Variants in USP42 observed in about 807,000 individuals in gnomAD.
USP42 encodes the protein ubiquitin specific peptidase 42.
USP42 carries 23 observed loss-of-function variants against 113.0 expected under a neutral mutation model. The ratio of observed to expected loss-of-function variants is 0.20; its 90% confidence interval spans 0.15 to 0.29. The LOEUF is 0.29. Ranked by LOEUF, USP42 falls within the 10% of genes least tolerant of loss-of-function variation. The pLI, the probability that USP42 is intolerant of heterozygous loss-of-function variation, is 1.00. For missense variants in USP42, 2,174 were observed against 1,779.8 expected (o/e 1.22, Z -3.99); for synonymous variants, 933 against 699.0 (o/e 1.33, Z -5.28).
At chr7:6,155,688 ACCTTCGTTTCCTCGG>A (rs1259408591) in intron 15 of USP42, among the ~76,000 whole-genome samples, 3 of 152,144 alleles carry the variant, frequency 2.0e-5, no homozygotes, top group African/African-American at 7.2e-5. Context: ...CATCGGAGAC[ACCTTCGTTTCCTCGG>A]CCTTTGTTTT....
intron 3 of USP42, among the ~76,000 whole-genome samples, chr7:6,134,541 G>C (rs1781023967): frequency 1.3e-5 from 2 of 152,170 alleles, no homozygotes; most frequent in South Asian, 4.1e-4. Context: ...TAGTCAGGCA[G>C]CTCCTCAGCC....
At position 6,157,068 on chromosome 7, in the gene USP42, A is replaced by T; in HGVS notation, c.3943+13A>T. ...GAGTATGGCCAGGGTAAGAGGAGATACTTGGAATTAGGAAGATAGAAACTA... is the reference window on the plus strand; with the variant it reads ...GAGTATGGCCAGGGTAAGAGGAGATTCTTGGAATTAGGAAGATAGAAACTA... On this transcript the variant is annotated intron_variant, in intron 16 of 17. Coordinates refer to ENST00000306177, the MANE Select transcript of USP42 (RefSeq NM_032172.3). The surrounding 1 kb of genome is among the most constrained non-coding windows in gnomAD (Gnocchi z 4.1). 1.3e-6 allele frequency: 2 copies of T among 1,566,778 alleles called. No individual in the cohort carries two copies. Among genetic ancestry groups the T allele is most frequent in the Middle Eastern group, 3.4e-4 (2 of 5,834 alleles).
Position 6,157,438 on chromosome 7 carries a change from C to T in USP42, c.3943+383C>T, listed in dbSNP as rs1782518985. 4 of 954,644 alleles carry T rather than the reference C, an allele frequency of 4.2e-6. No homozygotes were observed. Among genetic ancestry groups the T allele is most frequent in the African/African-American group, 1.8e-5 (1 of 56,526 alleles). The allele number at this position is 954,644 out of a possible 1,614,324, so 59.1% of individuals were successfully genotyped here. A position where few individuals can be genotyped will look rare whatever the true frequency, so the allele number is the denominator to read the frequency against. ...TTGAGACGGAGTCTTGCTCTATTGC[C>T]CAGGCTGGAGTGCAGTGGCGGCGAT... On this transcript the variant is annotated intron_variant, in intron 16 of 17. Transcript: ENST00000306177. This position sits in a 1 kb window ranked among gnomAD's most constrained non-coding sequence, Gnocchi z 4.1.
rs1782341727 is a variant in USP42 at position 6,154,882 on chromosome 7, G to A, written c.3328G>A (p.Glu1110Lys). The A allele has an allele frequency of 6.5e-7, 1 of 1,534,390 alleles. No individual in the cohort carries two copies. Among genetic ancestry groups the A allele is most frequent in the East Asian group, 2.5e-5 (1 of 40,098 alleles). Residue 1110 changes from glutamate to lysine, a missense_variant, in exon 15 of 18, where the codon GAG becomes AAG. Transcript: ENST00000306177. ...RRGCEPARERERHRPSSPRAG... is the reference protein window; with the variant it reads ...RRGCEPARERKRHRPSSPRAG... ...GGGCTGCGAGCCGGCCCGGGAGAGG[G>A]AGCGGCACCGCCCCAGCAGCCCCCG...
rs1374272385 is a variant in USP42 at position 6,154,357 on chromosome 7, C to T, written c.2803C>T (p.Pro935Ser). Reference protein sequence around the residue: ...EDAAAPKAPGPSPAKEKIGSL... With the variant: ...EDAAAPKAPGSSPAKEKIGSL... ...CGCCGCGGCGCCGAAAGCCCCAGGC[C>T]CTTCCCCAGCGAAGGAGAAAATCGG... The change falls in exon 15 of 18, where the codon CCT (proline) becomes TCT (serine). Residue 935 changes from proline to serine, a missense_variant. By Grantham distance (74) the Pro-to-Ser change is moderately conservative. Transcript: ENST00000306177. 4 of 1,573,868 alleles carry T rather than the reference C, an allele frequency of 2.5e-6. No individual in the cohort carries two copies. Among genetic ancestry groups the T allele is most frequent in the Non-Finnish European group, 3.4e-6 (4 of 1,161,252 alleles).
intron 2 of USP42, 80 bp downstream of exon 2, chr7:6,111,454 G>C: frequency 6.5e-7 from 1 of 1,529,378 alleles, no homozygotes; most frequent in Non-Finnish European, 8.8e-7. Flanking sequence ...TCAGAGAGGG[G>C]CTTATTTTGC....
intron 3 of USP42, among the ~76,000 whole-genome samples, chr7:6,126,867 T>C (rs1037205507): frequency 1.3e-5 from 2 of 152,232 alleles, no homozygotes; most frequent in African/African-American, 4.8e-5. Flanking sequence ...CATGTCTTCA[T>C]TTCTCTGGGA....
At chr7:6,099,483 G>A in the USP42 span, among the ~76,000 whole-genome samples, 10 of 150,286 alleles carry the variant, frequency 6.7e-5, no homozygotes, top group South Asian at 2.1e-4. Flanking sequence ...CAAAGTGCTG[G>A]GATTACAGGC....
intron 3 of USP42, among the ~76,000 whole-genome samples, chr7:6,118,581 T>A (rs1447013451): frequency 1.3e-5 from 2 of 152,142 alleles, no homozygotes. Flanking sequence ...CACAAATATT[T>A]TTCCTATACT....
intron 12 of USP42, among the ~76,000 whole-genome samples, chr7:6,148,164 C>A (rs1781829057): frequency 6.6e-6 from 1 of 152,064 alleles, no homozygotes; most frequent in Non-Finnish European, 1.5e-5. Context: ...AGGGTGAAAC[C>A]CCGTCTCCAC....
chr7:6,107,966 T>C (rs1779384173), intron 1 of USP42, among the ~76,000 whole-genome samples: 1 of 152,120 alleles, frequency 6.6e-6, no homozygotes. Flanking sequence ...GGTGATAATC[T>C]TACCCTAGTT....
the USP42 span, among the ~76,000 whole-genome samples, chr7:6,087,156 C>T: frequency 1.3e-5 from 2 of 149,772 alleles, no homozygotes; most frequent in Non-Finnish European, 2.9e-5. Context: ...CTCAGCCTCC[C>T]GAGTAGCTGG....
upstream of USP42, among the ~76,000 whole-genome samples, chr7:6,102,266 A>G (rs1042016943): frequency 2.7e-5 from 4 of 149,302 alleles, no homozygotes; most frequent in Non-Finnish European, 4.4e-5. Flanking sequence ...AGGTGCCATC[A>G]CCACAGCCAA....
At chr7:6,100,682 C>CTT (rs1228529787), upstream of USP42, among the ~76,000 whole-genome samples, 109 of 130,146 alleles carry the variant, frequency 8.4e-4, 4 homozygotes, top group African/African-American at 2.8e-3. Context: ...TATCCACTGT[C>CTT]TTTTTTTTTT....
chr7:6,107,430 A>T (rs1249148163), intron 1 of USP42, among the ~76,000 whole-genome samples: 2 of 128,850 alleles, frequency 1.6e-5, no homozygotes, highest in East Asian at 2.1e-4. Context: ...TTTTTTTGAG[A>T]CGGAGTTTCA....
rs1782595402 is a variant in USP42 at position 6,158,563 on chromosome 7, GGGGTTGCGGGGTGAGCCCCAT to G, written c.3944-883_3944-863del. Among the ~76,000 whole-genome samples, 1 of 152,218 alleles carries G rather than the reference GGGGTTGCGGGGTGAGCCCCAT, an allele frequency of 6.6e-6. No individual in the cohort carries two copies. Among genetic ancestry groups the G allele is most frequent in the Non-Finnish European group, 1.5e-5 (1 of 68,036 alleles). On this transcript the variant is annotated intron_variant, in intron 16 of 17. Transcript: ENST00000306177. This position sits in a 1 kb window ranked among gnomAD's most constrained non-coding sequence, Gnocchi z 4.2. ...CCTTAGAGTGTGTGAGAGAGAGCTG[GGGGTTGCGGGGTGAGCCCCAT>G]GGGGGACATTTGCCCATGGAGTGCT... is the stretch of plus-strand genomic sequence containing the variant.
chr7:6,150,640 A>G, intron 14 of USP42, 134 bp downstream of exon 14: 1 of 837,820 alleles, frequency 1.2e-6, no homozygotes, highest in Non-Finnish European at 1.9e-6. Context: ...TTGAATTATA[A>G]TGTATAGGAT....
the USP42 span, among the ~76,000 whole-genome samples, chr7:6,091,538 C>T: frequency 0.36 from 54,143 of 150,372 alleles, 12,015 homozygotes; most frequent in Middle Eastern, 0.55. Context: ...CCATACATAG[C>T]GTCTAGTCAG....
At position 6,157,460 on chromosome 7, in the gene USP42, C is replaced by T. The variant is rs181529440; in HGVS notation, c.3943+405C>T. The T allele has an allele frequency of 5.7e-4, 488 of 860,606 alleles. No individual in the cohort carries two copies. In the East Asian group the frequency reaches 0.014, roughly 25 times the overall value. The allele number at this position is 860,606 out of a possible 1,614,324, so 53.3% of individuals were successfully genotyped here. Reference sequence around the variant, plus strand: ...TGCCCAGGCTGGAGTGCAGTGGCGGCGATCTCAGCTCACTGCAACCTCTGC... The same window carrying T: ...TGCCCAGGCTGGAGTGCAGTGGCGGTGATCTCAGCTCACTGCAACCTCTGC... On this transcript the variant is annotated intron_variant, in intron 16 of 17. Transcript: ENST00000306177. This position sits in a 1 kb window ranked among gnomAD's most constrained non-coding sequence, Gnocchi z 4.1.
Sources: allele counts gnomAD v4.1 joint callset (sites outside exome capture counted in the v4.1 genomes callset), GRCh38; gene constraint gnomAD v4.1.1; non-coding constraint Gnocchi (gnomAD v3.1); transcripts MANE v1.5; gene names NCBI Gene and HGNC (gene_info 2026-07-23, HGNC 2026-07-21).